The following CDC42EP3 variants were observed in gnomAD, a reference collection of about 807,000 sequenced individuals.
The protein encoded by CDC42EP3 is CDC42 effector protein 3.
In CDC42EP3, 4 loss-of-function variants were observed where a neutral mutation model predicts 15.5. The observed-to-expected ratio is 0.26, with a 90% CI of 0.13 to 0.59. CDC42EP3 has a LOEUF of 0.59. CDC42EP3 is among the 20% of genes least tolerant of loss of function. The probability of loss-of-function intolerance (pLI) is 0.89; values close to 1 mark genes in which losing one functional copy is unlikely to be tolerated. For missense variants in CDC42EP3, 309 were observed against 311.2 expected (o/e 0.99, Z 0.05); for synonymous variants, 145 against 130.3 (o/e 1.11, Z -0.77).
At chr2:37,658,105 C>T (rs898943207) in intron 1 of CDC42EP3, among the ~76,000 whole-genome samples, 29 of 152,258 alleles carry the variant, frequency 1.9e-4, no homozygotes, top group African/African-American at 6.0e-4. Flanking sequence ...GCCCATCCCC[C>T]ACTCCTCAAC....
rs866393220 is a variant in CDC42EP3 at position 37,643,973 on chromosome 2, A to G, written c.*1850T>C. ...TTAAACTTTCTTAAAACAGTCTGAG[A>G]TTTTTTTTTTTTTTTTTTTTTGCAA... On this transcript the variant is annotated 3_prime_UTR_variant, in exon 2 of 2. Transcript: ENST00000295324. 2.5e-5 allele frequency: 3 copies of G among 121,716 alleles called. No homozygotes were observed. The highest frequency in any genetic ancestry group is 8.5e-5 in the African/African-American group (3 of 35,182). 7.5% of individuals were successfully genotyped at this position (121,716 alleles called of 1,614,324 possible). A position where few individuals can be genotyped will look rare whatever the true frequency, so the allele number is the denominator to read the frequency against.
At chr2:37,663,720 G>C (rs1033135957) in intron 1 of CDC42EP3, among the ~76,000 whole-genome samples, 3 of 152,210 alleles carry the variant, frequency 2.0e-5, no homozygotes, top group Non-Finnish European at 4.4e-5. Context: ...TTAATACTGA[G>C]TGTCGACTTG....
chr2:37,646,239 C>T lies in CDC42EP3; in HGVS notation c.349G>A (p.Ala117Thr). The T allele has an allele frequency of 6.2e-7, 1 of 1,614,144 alleles. No homozygotes were observed. The highest frequency in any genetic ancestry group is 8.5e-7 in the Non-Finnish European group (1 of 1,180,038). ...GGTGACAATAAGGGCAACATGAGAG[C>T]TTGGGATCCTCCAATGGTCGGGAGG... ...ISLPTIGGSQALMLPLLSPVT... is the reference protein window; with the variant it reads ...ISLPTIGGSQTLMLPLLSPVT... Residue 117 changes from alanine to threonine, a missense_variant, in exon 2 of 2, where the codon GCT (alanine) becomes ACT (threonine). Coordinates refer to ENST00000295324, the MANE Select transcript of CDC42EP3 (RefSeq NM_006449.5).
chr2:37,672,256 A>C (rs1043864775), upstream of CDC42EP3: 1 of 152,342 alleles, frequency 6.6e-6, no homozygotes, highest in African/African-American at 2.4e-5. Context: ...AGCTGCAGCC[A>C]AAACCCGGAG....
At chr2:37,658,036 A>G (rs1665935332) in intron 1 of CDC42EP3, among the ~76,000 whole-genome samples, 1 of 152,204 alleles carries the variant, frequency 6.6e-6, no homozygotes, top group Admixed American at 6.5e-5. Flanking sequence ...GAGCCCTTAC[A>G]GAAGAAGTCT....
chr2:37,645,141 G>T lies in CDC42EP3; in HGVS notation c.*682C>A, dbSNP rs2124605538. The T allele has an allele frequency of 6.6e-6, 1 of 152,642 alleles. No homozygotes were observed. Among genetic ancestry groups the T allele is most frequent in the African/African-American group, 2.4e-5 (1 of 41,556 alleles). 9.5% of individuals were successfully genotyped at this position (152,642 alleles called of 1,614,324 possible). ...ACATCTGATGTAGAATCTATAAAAT[G>T]TAGACTCTGCAATAAAAAGCCAAAG... On this transcript the variant is annotated 3_prime_UTR_variant, in exon 2 of 2. Transcript: ENST00000295324.
intron 1 of CDC42EP3, among the ~76,000 whole-genome samples, chr2:37,661,693 GAA>G (rs1217367792): frequency 1.3e-5 from 2 of 152,128 alleles, no homozygotes; most frequent in South Asian, 4.1e-4. Context: ...GGAGGTGGCT[GAA>G]AAAGTCATAG....
At chr2:37,658,778 C>T (rs776140035) in intron 1 of CDC42EP3, among the ~76,000 whole-genome samples, 2 of 152,194 alleles carry the variant, frequency 1.3e-5, no homozygotes, top group Non-Finnish European at 1.5e-5. Context: ...ATCAGCCTTA[C>T]TCCTGGCCCC....
At chr2:37,668,822 G>C (rs964330661) in intron 1 of CDC42EP3, among the ~76,000 whole-genome samples, 3 of 152,122 alleles carry the variant, frequency 2.0e-5, no homozygotes, top group Non-Finnish European at 4.4e-5. Flanking sequence ...CACATAGGAC[G>C]GGCTCCACTT....
rs544861136 is a variant in CDC42EP3 at position 37,659,908 on chromosome 2, G to A, written c.-236+11518C>T. ...TGAAACACCGACTGTACGGGCCAAC[G>A]AAACTGCTATCTCACTGCTGTTCCT... On this transcript the variant is annotated intron_variant, in intron 1 of 1. Transcript: ENST00000295324. 9.2e-5 allele frequency among the ~76,000 whole-genome samples: 14 copies of A among 152,328 alleles called. No individual in the cohort carries two copies. The East Asian group carries it at 2.3e-3, about 25-fold the overall frequency.
chr2:37,666,271 C>T (rs1043870764), intron 1 of CDC42EP3, among the ~76,000 whole-genome samples: 1 of 152,210 alleles, frequency 6.6e-6, no homozygotes, highest in African/African-American at 2.4e-5. Context: ...ACTCTGGACA[C>T]GACCTCCCTG....
Position 37,645,801 on chromosome 2 carries a change from A to G in CDC42EP3, c.*22T>C. 6.6e-7 allele frequency: 1 copy of G among 1,509,460 alleles called. No homozygotes were observed. Among genetic ancestry groups the G allele is most frequent in the Non-Finnish European group, 8.8e-7 (1 of 1,130,368 alleles). 93.5% of individuals were successfully genotyped at this position (1,509,460 alleles called of 1,614,324 possible). A position where few individuals can be genotyped will look rare whatever the true frequency, so the allele number is the denominator to read the frequency against. On this transcript the variant is annotated 3_prime_UTR_variant, in exon 2 of 2. Transcript: ENST00000295324. ...GTTTGTTTTTGTACCTTTTACCCCA[A>G]AGGAAAAAAGTTGGCATCTTGTTAC... is the stretch of plus-strand genomic sequence containing the variant.
chr2:37,653,772 A>AG (rs1665760930), intron 1 of CDC42EP3, among the ~76,000 whole-genome samples: 1 of 152,192 alleles, frequency 6.6e-6, no homozygotes, highest in African/African-American at 2.4e-5. Flanking sequence ...AAAAAAAAAA[A>AG]AAAATTGCAT....
At position 37,646,474 on chromosome 2, in the gene CDC42EP3, A is replaced by T. The variant is rs201578533; in HGVS notation, c.114T>A (p.Phe38Leu). 6.2e-7 allele frequency: 1 copy of T among 1,614,184 alleles called. No homozygotes were observed. Among genetic ancestry groups the T allele is most frequent in the East Asian group, 2.2e-5 (1 of 44,886 alleles). The change falls in exon 2 of 2, where the codon TTT becomes TTA. Residue 38 changes from phenylalanine (F) to leucine (L), a missense_variant. Phe to Leu is a conservative substitution (Grantham distance 22). Coordinates refer to ENST00000295324, the MANE Select transcript of CDC42EP3 (RefSeq NM_006449.5). Reference protein sequence around the residue: ...PDMISPPLGDFRHTIHIGKEG... With the variant: ...PDMISPPLGDLRHTIHIGKEG... Reference sequence around the variant, plus strand: ...CTTTGCCAATGTGGATGGTGTGGCGAAAGTCTCCAAGCGGGGGACTGATCA... The same window carrying T: ...CTTTGCCAATGTGGATGGTGTGGCGTAAGTCTCCAAGCGGGGGACTGATCA...
Position 37,660,452 on chromosome 2 carries a change from G to A in CDC42EP3, c.-236+10974C>T, listed in dbSNP as rs1311016167. On this transcript the variant is annotated intron_variant, in intron 1 of 1. Transcript: ENST00000295324. ...GGAACAAATGAAACGTCCCGGAGTT[G>A]GGAAAATTACAACAACTGCTATATA... Among the ~76,000 whole-genome samples, 7 of 152,138 alleles carry A rather than the reference G, an allele frequency of 4.6e-5. No homozygotes were observed. In the South Asian group the frequency reaches 1.4e-3, roughly 31 times the overall value.
At position 37,645,479 on chromosome 2, in the gene CDC42EP3, A is replaced by G. The variant is rs1459833312; in HGVS notation, c.*344T>C. The G allele has an allele frequency of 2.2e-5, 4 of 181,014 alleles. No individual in the cohort carries two copies. Among genetic ancestry groups the G allele is most frequent in the Admixed American group, 1.2e-4 (2 of 16,742 alleles). 11.2% of individuals were successfully genotyped at this position (181,014 alleles called of 1,614,324 possible). On this transcript the variant is annotated 3_prime_UTR_variant, in exon 2 of 2. Coordinates refer to ENST00000295324, the MANE Select transcript of CDC42EP3 (RefSeq NM_006449.5). ...GTCGGAGTGCTATAAAGTTCCGTGA[A>G]GTTCCTTAATGTGACTCGCTCAGCC...
upstream of CDC42EP3, among the ~76,000 whole-genome samples, chr2:37,672,702 G>A (rs935413814): frequency 6.6e-6 from 1 of 152,204 alleles, no homozygotes; most frequent in African/African-American, 2.4e-5. Flanking sequence ...GGAGGTCCCA[G>A]CCCGCATGGT....
At position 37,643,095 on chromosome 2, in the gene CDC42EP3, T is replaced by C. The variant is rs1665320966; in HGVS notation, c.*2728A>G. 6.6e-6 allele frequency: 1 copy of C among 152,250 alleles called. No individual in the cohort carries two copies. The highest frequency in any genetic ancestry group is 1.5e-5 in the Non-Finnish European group (1 of 68,040). 9.4% of individuals were successfully genotyped at this position (152,250 alleles called of 1,614,324 possible). A position where few individuals can be genotyped will look rare whatever the true frequency, so the allele number is the denominator to read the frequency against. On this transcript the variant is annotated 3_prime_UTR_variant, in exon 2 of 2. Transcript: ENST00000295324. Reference sequence around the variant, plus strand: ...ATGGCATGGTTTCTTTTCTGGTTACTGGGTCACAGGTGGCTCGCCATTTGC... The same window carrying C: ...ATGGCATGGTTTCTTTTCTGGTTACCGGGTCACAGGTGGCTCGCCATTTGC...
At chr2:37,655,010 G>C (rs1011895450) in intron 1 of CDC42EP3, among the ~76,000 whole-genome samples, 1 of 152,100 alleles carries the variant, frequency 6.6e-6, no homozygotes, top group African/African-American at 2.4e-5. Flanking sequence ...AACCCGAAGG[G>C]GATGCTTTTC....
Sources: allele counts gnomAD v4.1 joint callset (sites outside exome capture counted in the v4.1 genomes callset), GRCh38; gene constraint gnomAD v4.1.1; transcripts MANE v1.5; gene names NCBI Gene and HGNC (gene_info 2026-07-23, HGNC 2026-07-21).